Variants in CTSA observed in about 807,000 individuals in gnomAD.
CTSA encodes lysosomal protective protein.
Under a neutral mutation model 66.7 loss-of-function variants are expected in CTSA, and 42 were observed. The observed-to-expected ratio is 0.63, with a 90% CI of 0.49 to 0.81. CTSA has a LOEUF of 0.81. Ranked by LOEUF, CTSA falls within the 40% of genes least tolerant of loss-of-function variation. The probability of loss-of-function intolerance (pLI) is 0.00; values close to 1 mark genes in which losing one functional copy is unlikely to be tolerated. For missense variants in CTSA, 525 were observed against 610.9 expected, an observed-to-expected ratio of 0.86 and a Z score of 1.48; for synonymous variants, 225 against 248.6, an observed-to-expected ratio of 0.91 and a Z score of 0.89.
intron 12 of CTSA, chr20:45,897,417 G>A (rs1272972352): frequency 2.0e-6 from 1 of 497,706 alleles, no homozygotes; most frequent in Non-Finnish European, 3.6e-6. Context: ...CATGGGCTCT[G>A]GAGTCACATG....
chr20:45,894,808 C>G lies in CTSA; in HGVS notation c.870-15C>G. Reference sequence around the variant, plus strand: ...TCTGGAGGCTCCACACCCATTCCCCCACCTCACATTGCAGGTATGAGAAGG... The same window carrying G: ...TCTGGAGGCTCCACACCCATTCCCCGACCTCACATTGCAGGTATGAGAAGG... On this transcript the variant is annotated splice_polypyrimidine_tract_variant and intron_variant, in intron 9 of 14. Transcript: ENST00000646241. 6.2e-7 allele frequency: 1 copy of G among 1,607,720 alleles called. No homozygotes were observed. The highest frequency in any genetic ancestry group is 8.5e-7 in the Non-Finnish European group (1 of 1,175,130).
In CTSA at chr20:45,898,188, C is replaced by G. The variant is rs891188461; in HGVS notation, c.1359+79C>G. On this transcript the variant is annotated intron_variant, in intron 14 of 14. Coordinates refer to ENST00000646241, the MANE Select transcript of CTSA (RefSeq NM_000308.4). The surrounding 1 kb of genome is among the most constrained non-coding windows in gnomAD (Gnocchi z 4.6). ...CCACCCGTCCTTTCCCTCTGGCTGC[C>G]TTTTAGGCTGGGTCATGGGTCACCA... The G allele has an allele frequency of 2.0e-6, 3 of 1,503,512 alleles. No homozygotes were observed. The Admixed American group carries it at 5.4e-5, about 27-fold the overall frequency. The allele number at this position is 1,503,512 out of a possible 1,614,324, so 93.1% of individuals were successfully genotyped here. A position where few individuals can be genotyped will look rare whatever the true frequency, so the allele number is the denominator to read the frequency against.
rs1163165737 is a variant in CTSA, at chr20:45,898,423, C to T, written c.1416C>T (p.Ser472=). ...DKPLAAFTMF[S]RFLNKQPY Reference sequence around the variant, plus strand: ...CCCTCGCTGCCTTCACCATGTTCTCCCGCTTCCTGAACAAGCAGCCATACT... The same window carrying T: ...CCCTCGCTGCCTTCACCATGTTCTCTCGCTTCCTGAACAAGCAGCCATACT... The change falls in exon 15 of 15, where the codon TCC becomes TCT. Residue 472 remains serine (S), a synonymous_variant. Transcript: ENST00000646241. The surrounding 1 kb of genome is among the most constrained non-coding windows in gnomAD (Gnocchi z 4.6). 2.5e-6 allele frequency: 4 copies of T among 1,614,046 alleles called. No individual in the cohort carries two copies. In the South Asian group the frequency reaches 4.4e-5, roughly 18 times the overall value.
chr20:45,893,902 T>A, intron 7 of CTSA, 86 bp from the exon 8 acceptor site: 1 of 815,414 alleles, frequency 1.2e-6, no homozygotes, highest in East Asian at 2.4e-5. Context: ...TCAGGGAGGT[T>A]GGTGGGAGGT....
intron 5 of CTSA, 74 bp downstream of exon 5, chr20:45,892,558 C>A: frequency 6.5e-7 from 1 of 1,540,796 alleles, no homozygotes; most frequent in Non-Finnish European, 9.0e-7. Context: ...GGAGAGAGAG[C>A]ATGGCCTTGG....
intron 4 of CTSA, 28 bp downstream of exon 4, chr20:45,892,351 G>A: frequency 6.2e-7 from 1 of 1,614,044 alleles, no homozygotes; most frequent in Non-Finnish European, 8.5e-7. Context: ...GGTGTGTCTG[G>A]GCACTTGGAT....
At chr20:45,897,256 C>A in intron 12 of CTSA, 1 of 605,616 alleles carries the variant, frequency 1.7e-6, no homozygotes, top group Non-Finnish European at 2.9e-6. Context: ...TCTGCATCAG[C>A]CACGGAGTCT....
intron 11 of CTSA, 114 bp from the exon 12 acceptor site, chr20:45,896,851 C>G (rs2083113619): frequency 1.1e-6 from 1 of 877,310 alleles, no homozygotes; most frequent in African/African-American, 1.6e-5. Flanking sequence ...GGGAGTGGAA[C>G]CCAGCTGTCT....
intron 11 of CTSA, among the ~76,000 whole-genome samples, chr20:45,895,702 T>C (rs998525842): frequency 3.3e-5 from 5 of 152,196 alleles, no homozygotes; most frequent in African/African-American, 1.2e-4. Flanking sequence ...CACCTTAGTC[T>C]ACTGAGTAGC....
At chr20:45,895,182 T>C in intron 11 of CTSA, 49 bp downstream of exon 11, 2 of 1,611,874 alleles carry the variant, frequency 1.2e-6, no homozygotes, top group Non-Finnish European at 1.7e-6. Context: ...TTGCTGGGGC[T>C]TGTGGGCATC....
In CTSA at chr20:45,898,506, A is replaced by G; in HGVS notation, c.*56A>G. On this transcript the variant is annotated 3_prime_UTR_variant, in exon 15 of 15. Coordinates refer to ENST00000646241, the MANE Select transcript of CTSA (RefSeq NM_000308.4). The surrounding 1 kb of genome is among the most constrained non-coding windows in gnomAD (Gnocchi z 4.6). The stretch of plus-strand genomic sequence containing the variant: ...GCAGCCCCTCCCAGCCTCTCCCGCT[A>G]GGAGAGTCCTCTTCTAAGCAAAGTG... The G allele has an allele frequency of 3.3e-6, 5 of 1,519,118 alleles. No homozygotes were observed. The highest frequency in any genetic ancestry group is 1.1e-5 in the South Asian group (1 of 88,616). The allele number at this position is 1,519,118 out of a possible 1,614,324, so 94.1% of individuals were successfully genotyped here.
chr20:45,895,150 A>C lies in CTSA; in HGVS notation c.1088+17A>C, dbSNP rs1324282613. ...CATGTGCAAGTGAGGTTCCGTGGCC[A>C]CCTGTGACTTGGGGTGGTGGGTTGC... On this transcript the variant is annotated intron_variant, in intron 11 of 14. Coordinates refer to ENST00000646241, the MANE Select transcript of CTSA (RefSeq NM_000308.4). The C allele has an allele frequency of 6.2e-6, 10 of 1,613,976 alleles. No homozygotes were observed. The highest frequency in any genetic ancestry group is 6.8e-6 in the Non-Finnish European group (8 of 1,180,012).
Position 45,895,061 on chromosome 20 carries a change from C to T in CTSA, c.1016C>T (p.Thr339Ile), listed in dbSNP as rs1987176323. 5.0e-6 allele frequency: 8 copies of T among 1,614,202 alleles called. No individual in the cohort carries two copies. The highest frequency in any genetic ancestry group is 6.8e-6 in the Non-Finnish European group (8 of 1,180,036). ...TGCACCAACACAACAGCTGCTTCCA[C>T]CTACCTCAACAACCCGTACGTGCGG... The part of the protein sequence containing the change: ...PPCTNTTAAS[T>I]YLNNPYVRKA... The change falls in exon 11 of 15, where the codon ACC (threonine) becomes ATC (isoleucine). Residue 339 changes from threonine (T) to isoleucine (I), a missense_variant. Physicochemically the swap from Thr to Ile is moderately conservative, Grantham distance 89. Around this residue, in one of 3 missense-constraint regions of CTSA, gnomAD observed 274 missense variants for 321.1 expected, o/e 0.85. Coordinates refer to ENST00000646241, the MANE Select transcript of CTSA (RefSeq NM_000308.4).
In CTSA at chr20:45,891,975, G is replaced by C; in HGVS notation, c.254G>C (p.Gly85Ala). 1 of 1,614,162 alleles carries C rather than the reference G, an allele frequency of 6.2e-7. No individual in the cohort carries two copies. Among genetic ancestry groups the C allele is most frequent in the Non-Finnish European group, 8.5e-7 (1 of 1,180,020 alleles). Residue 85 changes from glycine to alanine, a missense_variant, in exon 3 of 15, where the codon GGT becomes GCT. By Grantham distance (60) the Gly-to-Ala change is moderately conservative. Coordinates refer to ENST00000646241, the MANE Select transcript of CTSA (RefSeq NM_000308.4). This position sits in a 1 kb window ranked among gnomAD's most constrained non-coding sequence, Gnocchi z 4.6. ...NSPVVLWLNG[G>A]PGCSSLDGLL... ...CCTGTGGTGCTTTGGCTCAATGGGG[G>C]TCCCGGCTGCAGCTCACTAGATGGG...
chr20:45,892,216 C>G lies in CTSA; in HGVS notation c.307-57C>G, dbSNP rs551979873. 180 of 1,588,530 alleles carry G rather than the reference C, an allele frequency of 1.1e-4. 2 individuals are homozygous for G. Among genetic ancestry groups the G allele is most frequent in the East Asian group, 1.1e-4 (5 of 44,760 alleles). On this transcript the variant is annotated intron_variant, in intron 3 of 14. Transcript: ENST00000646241. ...ATGTAAAGTGCCTCTCATGGTGGCC[C>G]TTTCCCTCCACCCAGCTGGCCCTTG...
Position 45,898,536 on chromosome 20 carries a change from T to C in CTSA, c.*86T>C. The C allele has an allele frequency of 3.0e-6, 4 of 1,345,236 alleles. No homozygotes were observed. The highest frequency in any genetic ancestry group is 3.1e-6 in the Non-Finnish European group (3 of 957,920). 83.3% of individuals were successfully genotyped at this position (1,345,236 alleles called of 1,614,324 possible). On this transcript the variant is annotated 3_prime_UTR_variant, in exon 15 of 15. Transcript: ENST00000646241. The surrounding 1 kb of genome is among the most constrained non-coding windows in gnomAD (Gnocchi z 4.6). ...AGTCCTCTTCTAAGCAAAGTGCCCCTGCAGGCCGGGTTCTGCCGCCAGGAC... is the reference window on the plus strand; with the variant it reads ...AGTCCTCTTCTAAGCAAAGTGCCCCCGCAGGCCGGGTTCTGCCGCCAGGAC...
chr20:45,891,583 G>T lies in CTSA; in HGVS notation c.15G>T (p.Ala5=). 1 of 1,584,664 alleles carries T rather than the reference G, an allele frequency of 6.3e-7. No homozygotes were observed. Among genetic ancestry groups the T allele is most frequent in the Non-Finnish European group, 8.5e-7 (1 of 1,172,630 alleles). The change falls in exon 2 of 15, where the codon GCG becomes GCT. Residue 5 remains alanine (A), a synonymous_variant. Transcript: ENST00000646241. The surrounding 1 kb of genome is among the most constrained non-coding windows in gnomAD (Gnocchi z 4.6). MIRA[A]PPPLFLLLLL... ...GCCTCCCGTAGATGATCCGAGCCGC[G>T]CCGCCGCCGCTGTTCCTGCTGCTGC...
At chr20:45,892,518 C>T (rs1463714117) in intron 5 of CTSA, 34 bp downstream of exon 5, 2 of 1,595,648 alleles carry the variant, frequency 1.3e-6, no homozygotes, top group African/African-American at 1.3e-5. Context: ...GCCCCAGGCT[C>T]CCCGGTCCTC....
At chr20:45,894,409 A>C in intron 8 of CTSA, 1 of 617,122 alleles carries the variant, frequency 1.6e-6, no homozygotes, top group Non-Finnish European at 2.9e-6. Context: ...TTTCCAGATA[A>C]GGAAACTGAG....
Sources: allele counts gnomAD v4.1 joint callset (sites outside exome capture counted in the v4.1 genomes callset), GRCh38; gene constraint gnomAD v4.1.1; regional missense constraint gnomAD v4.1.1; non-coding constraint Gnocchi (gnomAD v3.1); transcripts MANE v1.5; gene names NCBI Gene and HGNC (gene_info 2026-07-23, HGNC 2026-07-21).